B3GALNT2: variants seen among roughly 807,000 people sequenced by gnomAD.
B3GALNT2 encodes the protein UDP-GalNAc:beta-1,3-N-acetylgalactosaminyltransferase 2.
B3GALNT2 carries 53 observed loss-of-function variants against 61.1 expected under a neutral mutation model. That is an observed-to-expected ratio of 0.87 (90% CI 0.70 to 1.09). The LOEUF (loss-of-function observed/expected upper bound fraction) is 1.09, where lower values mean the gene tolerates loss of function less well. B3GALNT2 is among the 50% of genes least tolerant of loss of function. The pLI is 0.00. For synonymous variants in B3GALNT2, 223 were observed against 237.4 expected (o/e 0.94, Z 0.56); for missense variants, 544 against 623.0 (o/e 0.87, Z 1.35).
intron 2 of B3GALNT2, among the ~76,000 whole-genome samples, chr1:235,491,823 TCTTTATATACACCTCTCTA>T (rs1219822717): frequency 6.6e-6 from 1 of 152,040 alleles, no homozygotes; most frequent in Non-Finnish European, 1.5e-5. Context: ...CCCCCTCTTT[TCTTTATATACACCTCTCTA>T]CTCTCCTACC....
chr1:235,470,836 A>G lies in B3GALNT2; in HGVS notation c.762+14T>C. The G allele has an allele frequency of 6.2e-7, 1 of 1,609,460 alleles. No homozygotes were observed. The highest frequency in any genetic ancestry group is 8.5e-7 in the Non-Finnish European group (1 of 1,178,762). ...CTAAAATATGCAATTAAACCTTAAA[A>G]AAAAACGACTTACTGTAATGACTCT... On this transcript the variant is annotated intron_variant, in intron 6 of 11. Transcript: ENST00000366600.
intron 1 of B3GALNT2, chr1:235,496,238 G>A: frequency 3.8e-6 from 1 of 264,024 alleles, no homozygotes. Flanking sequence ...TTGAACCCGG[G>A]AGGTGGAGGT....
At chr1:235,489,720 G>A (rs904677487) in intron 2 of B3GALNT2, among the ~76,000 whole-genome samples, 3 of 152,054 alleles carry the variant, frequency 2.0e-5, no homozygotes, top group East Asian at 1.9e-4. Flanking sequence ...GGTTACCCCT[G>A]TAACTAGTGA....
rs569348957 is a variant in B3GALNT2 at position 235,502,172 on chromosome 1, C to T, written c.112+1969G>A. Among the ~76,000 whole-genome samples the T allele has an allele frequency of 5.3e-5, 8 of 152,244 alleles. No individual in the cohort carries two copies. In the South Asian group the frequency reaches 1.2e-3, roughly 24 times the overall value. On this transcript the variant is annotated intron_variant, in intron 1 of 11. Transcript: ENST00000366600. ...GGATTACAGGCATGCACCACTATGC[C>T]CGGCTAATTTTTGTATTTTTAGTAG... is the stretch of plus-strand genomic sequence containing the variant.
In B3GALNT2 at chr1:235,447,407, C is replaced by T. The variant is rs565397074; in HGVS notation, c.*2799G>A. On this transcript the variant is annotated 3_prime_UTR_variant, in exon 12 of 12. Transcript: ENST00000366600. ...TATAATCAAAATATCCACTATTTAC[C>T]ACAACCCGTCTTTGGAAAGAAGTTC... Among the ~76,000 whole-genome samples, 4 of 152,282 alleles carry T rather than the reference C, an allele frequency of 2.6e-5. No homozygotes were observed. The East Asian group carries it at 7.7e-4, about 29-fold the overall frequency.
chr1:235,501,102 G>A (rs1346052652), intron 1 of B3GALNT2, among the ~76,000 whole-genome samples: 1 of 152,246 alleles, frequency 6.6e-6, no homozygotes, highest in African/African-American at 2.4e-5. Context: ...CCTAGAAAGC[G>A]AAGCCTTCTT....
chr1:235,454,386 CT>C, intron 9 of B3GALNT2, 71 bp from the exon 10 acceptor site: 1 of 1,391,890 alleles, frequency 7.2e-7, no homozygotes, highest in Non-Finnish European at 9.9e-7. Flanking sequence ...AACTTGACTC[CT>C]TTATCATCAC....
At chr1:235,474,977 A>C (rs1348516702) in intron 5 of B3GALNT2, among the ~76,000 whole-genome samples, 2 of 29,956 alleles carry the variant, frequency 6.7e-5, no homozygotes, top group African/African-American at 4.3e-4. Context: ...ATATATATAT[A>C]TATATATATA....
At chr1:235,474,987 A>ATATATATTTTTTTTTTT (rs1180244284) in intron 5 of B3GALNT2, among the ~76,000 whole-genome samples, 3 of 35,574 alleles carry the variant, frequency 8.4e-5, no homozygotes, top group East Asian at 8.9e-4. Flanking sequence ...ATATATATAT[A>ATATATATTTTTTTTTTT]TTTTTTTTTT....
intron 4 of B3GALNT2, among the ~76,000 whole-genome samples, chr1:235,480,946 C>T (rs1054348098): frequency 2.6e-5 from 3 of 113,218 alleles, no homozygotes; most frequent in Admixed American, 2.0e-4. Flanking sequence ...AAAAAAAAAA[C>T]CGGACTGATT....
At chr1:235,458,547 A>G in intron 8 of B3GALNT2, 56 bp downstream of exon 8, 1 of 1,529,560 alleles carries the variant, frequency 6.5e-7, no homozygotes. Context: ...CCATCTCAAA[A>G]AAAAAAAAAC....
At chr1:235,494,630 C>T (rs1431678802) in intron 2 of B3GALNT2, 51 bp downstream of exon 2, 2 of 1,559,882 alleles carry the variant, frequency 1.3e-6, no homozygotes, top group African/African-American at 1.4e-5. Context: ...CTAGGTTTTT[C>T]AGAACTCTTA....
rs1215846113 is a variant in B3GALNT2, at chr1:235,474,976, TATATA to T, written c.652-4021_652-4017del. On this transcript the variant is annotated intron_variant, in intron 5 of 11. Transcript: ENST00000366600. ...ATATATATATATATATATATATATA[TATATA>T]TATATATTTTTTTTTTTTTTTTTTT... Among the ~76,000 whole-genome samples the T allele has an allele frequency of 4.6e-3, 149 of 32,262 alleles. 1 individual carries two copies. Among genetic ancestry groups the T allele is most frequent in the African/African-American group, 0.011 (66 of 6,056 alleles). 21.2% of individuals were successfully genotyped at this position (32,262 alleles called of 152,430 possible). A position where few individuals can be genotyped will look rare whatever the true frequency, so the allele number is the denominator to read the frequency against.
intron 6 of B3GALNT2, among the ~76,000 whole-genome samples, chr1:235,469,057 A>G (rs769417683): frequency 6.6e-6 from 1 of 152,224 alleles, no homozygotes; most frequent in Non-Finnish European, 1.5e-5. Flanking sequence ...ATCTAAATGT[A>G]TAACTACATA....
intron 1 of B3GALNT2, among the ~76,000 whole-genome samples, chr1:235,498,308 G>C (rs909339039): frequency 5.9e-5 from 9 of 151,772 alleles, no homozygotes; most frequent in African/African-American, 1.9e-4. Context: ...GAAACAGAGG[G>C]AAAAAAAGAA....
intron 8 of B3GALNT2, among the ~76,000 whole-genome samples, chr1:235,456,903 C>A (rs1447283281): frequency 6.6e-6 from 1 of 152,124 alleles, no homozygotes; most frequent in Non-Finnish European, 1.5e-5. Flanking sequence ...AAAGGAGGTT[C>A]TTTTTCTTAC....
In B3GALNT2 at chr1:235,448,568, G is replaced by T. The variant is rs1682641706; in HGVS notation, c.*1638C>A. On this transcript the variant is annotated 3_prime_UTR_variant, in exon 12 of 12. Transcript: ENST00000366600. ...ATGGGTCTGTTTGTTTGATTTTAAG[G>T]GTAAGCTACTGCCTGGGGACGGGGT... 21 of 1,375,464 alleles carry T rather than the reference G, an allele frequency of 1.5e-5. No homozygotes were observed. Among genetic ancestry groups the T allele is most frequent in the Non-Finnish European group, 1.2e-5 (12 of 963,232 alleles). 85.2% of individuals were successfully genotyped at this position (1,375,464 alleles called of 1,614,324 possible). A position where few individuals can be genotyped will look rare whatever the true frequency, so the allele number is the denominator to read the frequency against.
At chr1:235,466,524 T>C (rs996508053) in intron 6 of B3GALNT2, among the ~76,000 whole-genome samples, 2 of 152,116 alleles carry the variant, frequency 1.3e-5, no homozygotes, top group Admixed American at 6.5e-5. Flanking sequence ...AGCTAATATT[T>C]ATAAATTTTT....
Position 235,448,792 on chromosome 1 carries a change from C to T in B3GALNT2, c.*1414G>A. ...CAACTAATAAAATTTAAAGACCACACTGCTTATCGTGTCTGGGGTTCACCG... is the reference window on the plus strand; with the variant it reads ...CAACTAATAAAATTTAAAGACCACATTGCTTATCGTGTCTGGGGTTCACCG... On this transcript the variant is annotated 3_prime_UTR_variant, in exon 12 of 12. Coordinates refer to ENST00000366600, the MANE Select transcript of B3GALNT2 (RefSeq NM_152490.5). 8.2e-6 allele frequency: 12 copies of T among 1,455,670 alleles called. No individual in the cohort carries two copies. The highest frequency in any genetic ancestry group is 1.2e-5 in the Non-Finnish European group (12 of 1,037,032). The allele number at this position is 1,455,670 out of a possible 1,614,324, so 90.2% of individuals were successfully genotyped here. A position where few individuals can be genotyped will look rare whatever the true frequency, so the allele number is the denominator to read the frequency against.
Sources: gnomAD v4.1 joint callset for allele counts (sites outside exome capture counted in the v4.1 genomes callset) on GRCh38, gnomAD v4.1.1 for gene constraint, MANE v1.5 for transcripts, NCBI Gene and HGNC (gene_info 2026-07-23, HGNC 2026-07-21) for gene names.